The following SLC35F1 variants were observed in gnomAD, a reference collection of about 807,000 sequenced individuals.
SLC35F1 encodes the protein solute carrier family 35 member F1.
A neutral mutation model predicts 48.7 loss-of-function variants in SLC35F1; 14 were observed. The ratio of observed to expected loss-of-function variants is 0.29; its 90% confidence interval spans 0.19 to 0.45. SLC35F1 has a LOEUF of 0.45. Ranked by LOEUF, SLC35F1 falls within the 20% of genes least tolerant of loss-of-function variation. The pLI is 1.00. For missense variants in SLC35F1, 404 were observed against 500.0 expected (o/e 0.81, Z 1.83); for synonymous variants, 190 against 202.2 (o/e 0.94, Z 0.51).
chr6:118,049,913 C>T (rs1772360063), intron 1 of SLC35F1, among the ~76,000 whole-genome samples: 1 of 152,108 alleles, frequency 6.6e-6, no homozygotes, highest in Admixed American at 6.5e-5. Flanking sequence ...GACACATGCA[C>T]ACGTATGTTT....
chr6:118,214,360 A>G (rs1775045056), intron 2 of SLC35F1, among the ~76,000 whole-genome samples: 1 of 152,196 alleles, frequency 6.6e-6, no homozygotes. Context: ...GTTTCACTCT[A>G]TGAAAACATA....
At chr6:118,190,888 G>T (rs1313828447) in intron 2 of SLC35F1, among the ~76,000 whole-genome samples, 1 of 152,046 alleles carries the variant, frequency 6.6e-6, no homozygotes, top group Non-Finnish European at 1.5e-5. Flanking sequence ...TTCTCCATAG[G>T]CCATGAGTGC....
At chr6:118,015,027 G>T (rs1304260068) in intron 1 of SLC35F1, among the ~76,000 whole-genome samples, 1 of 152,170 alleles carries the variant, frequency 6.6e-6, no homozygotes, top group Non-Finnish European at 1.5e-5. Context: ...TGTTCTCATG[G>T]TCGTGAATAA....
chr6:118,293,882 T>C (rs1776153246), intron 7 of SLC35F1, among the ~76,000 whole-genome samples: 1 of 152,320 alleles, frequency 6.6e-6, no homozygotes, highest in Non-Finnish European at 1.5e-5. Flanking sequence ...CCACATAAAG[T>C]GTGAATTAAG....
intron 1 of SLC35F1, among the ~76,000 whole-genome samples, chr6:117,938,559 AGG>A (rs954160543): frequency 6.6e-6 from 1 of 152,148 alleles, no homozygotes; most frequent in Non-Finnish European, 1.5e-5. Context: ...TGCCAGCAGG[AGG>A]GGCGGATTCC....
chr6:117,958,179 A>C (rs1226977558), intron 1 of SLC35F1, among the ~76,000 whole-genome samples: 2 of 152,210 alleles, frequency 1.3e-5, no homozygotes, highest in Non-Finnish European at 2.9e-5. Context: ...AAAAATAGGA[A>C]AAAGTGTATA....
At chr6:118,188,330 A>T (rs976271600) in intron 2 of SLC35F1, among the ~76,000 whole-genome samples, 1 of 152,158 alleles carries the variant, frequency 6.6e-6, no homozygotes, top group African/African-American at 2.4e-5. Flanking sequence ...CGGGTGGATC[A>T]CCCGAAGACA....
At chr6:118,168,107 G>A (rs570485216) in intron 2 of SLC35F1, among the ~76,000 whole-genome samples, 13 of 152,276 alleles carry the variant, frequency 8.5e-5, no homozygotes, top group African/African-American at 2.6e-4. Context: ...AAGAAGAGCA[G>A]CTTCTGTTCT....
At chr6:118,216,916 CAT>C (rs1305745687) in intron 2 of SLC35F1, among the ~76,000 whole-genome samples, 1 of 152,088 alleles carries the variant, frequency 6.6e-6, no homozygotes, top group Admixed American at 6.5e-5. Flanking sequence ...CCCCTTTTCA[CAT>C]AGAGTGGCCT....
chr6:118,169,761 TA>T (rs922807960), intron 2 of SLC35F1, among the ~76,000 whole-genome samples: 8 of 151,094 alleles, frequency 5.3e-5, no homozygotes, highest in Admixed American at 1.3e-4. Flanking sequence ...AATCAGGATT[TA>T]AAAAAAAACA....
intron 1 of SLC35F1, among the ~76,000 whole-genome samples, chr6:117,991,071 A>G (rs773392552): frequency 1.1e-4 from 17 of 152,204 alleles, no homozygotes; most frequent in Admixed American, 2.6e-4. Flanking sequence ...AAAGTGCAAC[A>G]AAGAAGAAAA....
intron 1 of SLC35F1, among the ~76,000 whole-genome samples, chr6:118,140,353 T>C (rs1773867019): frequency 6.6e-6 from 1 of 152,202 alleles, no homozygotes; most frequent in Admixed American, 6.5e-5. Flanking sequence ...GCTAAGAAAG[T>C]CTTATCACCT....
chr6:117,965,377 C>A (rs566314758), intron 1 of SLC35F1, among the ~76,000 whole-genome samples: 4 of 152,174 alleles, frequency 2.6e-5, no homozygotes, highest in South Asian at 4.1e-4. Flanking sequence ...TACTGGCAAG[C>A]CTTTTTTCAG....
chr6:118,238,313 T>A (rs1320344024), intron 3 of SLC35F1, among the ~76,000 whole-genome samples: 3 of 152,028 alleles, frequency 2.0e-5, no homozygotes, highest in Non-Finnish European at 4.4e-5. Context: ...GGCATACAGT[T>A]GTGCACCTCT....
chr6:117,945,003 G>A (rs779089101), intron 1 of SLC35F1, among the ~76,000 whole-genome samples: 22 of 152,274 alleles, frequency 1.4e-4, no homozygotes, highest in Middle Eastern at 3.4e-3. Context: ...GGGTTTGGGG[G>A]AAACAACAGT....
At chr6:117,996,084 A>AT (rs1336866110) in intron 1 of SLC35F1, among the ~76,000 whole-genome samples, 3 of 152,198 alleles carry the variant, frequency 2.0e-5, no homozygotes, top group Non-Finnish European at 1.5e-5. Flanking sequence ...ATTTCTTCAT[A>AT]TTTTTTGTAT....
At chr6:118,134,537 T>C (rs1054516404) in intron 1 of SLC35F1, among the ~76,000 whole-genome samples, 1 of 152,172 alleles carries the variant, frequency 6.6e-6, no homozygotes, top group African/African-American at 2.4e-5. Flanking sequence ...AGTCCTAGAA[T>C]AACACCATGC....
chr6:118,232,985 T>C (rs1046398213), intron 2 of SLC35F1, among the ~76,000 whole-genome samples: 15 of 151,720 alleles, frequency 9.9e-5, no homozygotes, highest in African/African-American at 3.6e-4. Context: ...TTTTTTTTTT[T>C]AGACGAAGTC....
At chr6:117,944,741 G>T (rs1261642928) in intron 1 of SLC35F1, among the ~76,000 whole-genome samples, 1 of 152,136 alleles carries the variant, frequency 6.6e-6, no homozygotes, top group African/African-American at 2.4e-5. Context: ...ATAAACAAGA[G>T]AAATTTAACT....
Sources: allele counts gnomAD v4.1 joint callset (sites outside exome capture counted in the v4.1 genomes callset), GRCh38; gene constraint gnomAD v4.1.1; transcripts MANE v1.5; gene names NCBI Gene and HGNC (gene_info 2026-07-23, HGNC 2026-07-21).